RPS6KA1: variants seen among roughly 807,000 people sequenced by gnomAD.
RPS6KA1 encodes ribosomal protein S6 kinase A1.
RPS6KA1 carries 48 observed loss-of-function variants against 91.3 expected under a neutral mutation model. That is an observed-to-expected ratio of 0.53 (90% CI 0.42 to 0.67). The LOEUF is 0.67. Ranked by LOEUF, RPS6KA1 falls within the 30% of genes least tolerant of loss-of-function variation. The probability of loss-of-function intolerance (pLI) is 0.00; values close to 1 mark genes in which losing one functional copy is unlikely to be tolerated. For synonymous variants in RPS6KA1, 359 were observed against 384.7 expected (o/e 0.93, Z 0.78); for missense variants, 719 against 960.5 (o/e 0.75, Z 3.32).
chr1:26,557,093 A>G lies in RPS6KA1; in HGVS notation c.1077A>G (p.Thr359=). The G allele has an allele frequency of 1.2e-6, 2 of 1,610,456 alleles. No homozygotes were observed. The highest frequency in any genetic ancestry group is 1.7e-6 in the Non-Finnish European group (2 of 1,176,912). The change falls in exon 13 of 22, where the codon ACA becomes ACG. Residue 359 remains threonine (T), a synonymous_variant. Coordinates refer to ENST00000374168, the MANE Select transcript of RPS6KA1 (RefSeq NM_002953.4). ...TTGACACCGAGTTCACGTCCCGCACACCCAAGGGTGCGTCCCTTATCTGTT... is the reference window on the plus strand; with the variant it reads ...TTGACACCGAGTTCACGTCCCGCACGCCCAAGGGTGCGTCCCTTATCTGTT... ...FYFDTEFTSR[T]PKDSPGIPPS... is the part of the protein sequence containing the mutation.
rs1467555231 is a variant in RPS6KA1, at chr1:26,573,259, C to T, written c.1983C>T (p.His661=). Residue 661 remains histidine (H), a synonymous_variant, in exon 21 of 22, where the codon CAC becomes CAT. Transcript: ENST00000374168. ...LVSKMLHVDP[H]QRLTAKQVLQ... Reference sequence around the variant, plus strand: ...CCAAGATGCTACACGTGGATCCCCACCAGCGCCTCACAGCTAAGCAGGTTC... The same window carrying T: ...CCAAGATGCTACACGTGGATCCCCATCAGCGCCTCACAGCTAAGCAGGTTC... The T allele has an allele frequency of 6.2e-7, 1 of 1,614,076 alleles. No homozygotes were observed. Among genetic ancestry groups the T allele is most frequent in the Non-Finnish European group, 8.5e-7 (1 of 1,180,026 alleles).
At position 26,551,634 on chromosome 1, in the gene RPS6KA1, C is replaced by T; in HGVS notation, c.389-10C>T. The T allele has an allele frequency of 1.9e-6, 3 of 1,613,906 alleles. No homozygotes were observed. Among genetic ancestry groups the T allele is most frequent in the Non-Finnish European group, 2.5e-6 (3 of 1,179,748 alleles). ...GCCGACTCTACCATTGCCTTTCTCC[C>T]TCTTCCCAGCCTTCCAGACCGAGGG... On this transcript the variant is annotated splice_polypyrimidine_tract_variant and intron_variant, in intron 5 of 21. Transcript: ENST00000374168. This position sits in a 1 kb window ranked among gnomAD's most constrained non-coding sequence, Gnocchi z 4.5.
At chr1:26,559,746 T>C (rs924264709) in intron 14 of RPS6KA1, among the ~76,000 whole-genome samples, 3 of 152,256 alleles carry the variant, frequency 2.0e-5, no homozygotes, top group African/African-American at 7.2e-5. Flanking sequence ...GGGGAAATGA[T>C]AGAAGCTTCC....
chr1:26,558,927 C>T lies in RPS6KA1; in HGVS notation c.1205C>T (p.Ser402Leu), dbSNP rs765790037. The change falls in exon 14 of 22, where the codon TCG becomes TTG. Residue 402 changes from serine to leucine, a missense_variant. Transcript: ENST00000374168. This position sits in a 1 kb window ranked among gnomAD's most constrained non-coding sequence, Gnocchi z 4.0. ...CGTGCCCCGCAGGCACCCCTGCACT[C>T]GGTGGTACAGGTGAGGGGGGCAGGG... ...KPRAPQAPLH[S>L]VVQQLHGKNL... 1.6e-5 allele frequency: 26 copies of T among 1,612,412 alleles called. No homozygotes were observed. The East Asian group carries it at 3.6e-4, about 22-fold the overall frequency.
At chr1:26,566,279 CT>C (rs371340177) in intron 17 of RPS6KA1, among the ~76,000 whole-genome samples, 211 of 97,948 alleles carry the variant, frequency 2.2e-3, no homozygotes, top group Middle Eastern at 7.7e-3. Flanking sequence ...CTCATTGTAG[CT>C]TTTTTTTTTT....
At position 26,554,831 on chromosome 1, in the gene RPS6KA1, T is replaced by C; in HGVS notation, c.756+93T>C. ...TGAGGGGGTTGATCATTTCTAGGGC[T>C]CTCCCCGTCTCCTCTCACAGCCAAG... On this transcript the variant is annotated intron_variant, in intron 9 of 21. Coordinates refer to ENST00000374168, the MANE Select transcript of RPS6KA1 (RefSeq NM_002953.4). This position sits in a 1 kb window ranked among gnomAD's most constrained non-coding sequence, Gnocchi z 4.6. 1.4e-6 allele frequency: 2 copies of C among 1,449,784 alleles called. No homozygotes were observed. The highest frequency in any genetic ancestry group is 1.9e-6 in the Non-Finnish European group (2 of 1,073,748). 89.8% of individuals were successfully genotyped at this position (1,449,784 alleles called of 1,614,324 possible). A position where few individuals can be genotyped will look rare whatever the true frequency, so the allele number is the denominator to read the frequency against.
At chr1:26,549,792 C>T (rs534514044) in intron 4 of RPS6KA1, among the ~76,000 whole-genome samples, 15 of 150,320 alleles carry the variant, frequency 1.0e-4, no homozygotes, top group Admixed American at 2.7e-4. Flanking sequence ...ACCTCCGCTC[C>T]GCAGGTTCAG....
intron 14 of RPS6KA1, among the ~76,000 whole-genome samples, chr1:26,559,262 G>T (rs754743662): frequency 6.6e-6 from 1 of 152,172 alleles, no homozygotes; most frequent in Non-Finnish European, 1.5e-5. Context: ...TTCCCCATTT[G>T]TACACTTCTA....
In RPS6KA1 at chr1:26,555,669, C is replaced by T. The variant is rs375153165; in HGVS notation, c.916+44C>T. 1.1e-4 allele frequency: 164 copies of T among 1,531,330 alleles called. No homozygotes were observed. The highest frequency in any genetic ancestry group is 1.4e-4 in the Non-Finnish European group (157 of 1,126,018). 94.9% of individuals were successfully genotyped at this position (1,531,330 alleles called of 1,614,324 possible). A position where few individuals can be genotyped will look rare whatever the true frequency, so the allele number is the denominator to read the frequency against. ...GGGGAGGGGATGTGGCGATGGGGAG[C>T]CGGGTACAGCTGCAGCCTAGGCCAC... On this transcript the variant is annotated intron_variant, in intron 11 of 21. Coordinates refer to ENST00000374168, the MANE Select transcript of RPS6KA1 (RefSeq NM_002953.4). The surrounding 1 kb of genome is among the most constrained non-coding windows in gnomAD (Gnocchi z 4.3).
intron 4 of RPS6KA1, among the ~76,000 whole-genome samples, chr1:26,549,882 A>G (rs1441875263): frequency 8.2e-6 from 1 of 121,538 alleles, no homozygotes; most frequent in Non-Finnish European, 1.8e-5. Context: ...TTGTATATAT[A>G]TTTTTTTCTT....
At position 26,573,340 on chromosome 1, in the gene RPS6KA1, C is replaced by T. The variant is rs1177066870; in HGVS notation, c.2064C>T (p.His688=). 2 of 1,614,224 alleles carry T rather than the reference C, an allele frequency of 1.2e-6. No individual in the cohort carries two copies. Among genetic ancestry groups the T allele is most frequent in the Non-Finnish European group, 1.7e-6 (2 of 1,180,034 alleles). Residue 688 remains histidine (H), a synonymous_variant, in exon 21 of 22, where the codon CAC becomes CAT. Transcript: ENST00000374168. ...KDKLPQSQLS[H]QDLQLVKGAM... ...AGCTTCCCCAAAGCCAGCTGTCCCA[C>T]CAGGACCTACAGCTTGTGAAGGTAT...
At chr1:26,572,343 C>G in intron 20 of RPS6KA1, 50 bp downstream of exon 20, 7 of 1,277,164 alleles carry the variant, frequency 5.5e-6, no homozygotes, top group Non-Finnish European at 8.0e-6. Flanking sequence ...GAGGCAGGGT[C>G]CCATCCTAGG....
At position 26,554,737 on chromosome 1, in the gene RPS6KA1, T is replaced by TG; in HGVS notation, c.756+1dup. The stretch of plus-strand genomic sequence containing the variant: ...GACTGGTGGTCCTATGGGGTGTTGA[T>TG]GGTGAGTGCCCAGACAGGGGTAAAG... On this transcript the variant is annotated frameshift_variant and splice_region_variant, in exon 9 of 22. Coordinates refer to ENST00000374168, the MANE Select transcript of RPS6KA1 (RefSeq NM_002953.4). LOFTEE classifies it high-confidence loss of function. The surrounding 1 kb of genome is among the most constrained non-coding windows in gnomAD (Gnocchi z 4.6). 1 of 1,599,140 alleles carries TG rather than the reference T, an allele frequency of 6.3e-7. No homozygotes were observed. The highest frequency in any genetic ancestry group is 1.1e-5 in the South Asian group (1 of 90,486).
At chr1:26,570,734 C>T (rs780288738) in intron 17 of RPS6KA1, among the ~76,000 whole-genome samples, 28 of 152,270 alleles carry the variant, frequency 1.8e-4, no homozygotes, top group East Asian at 1.9e-4. Context: ...GCTTACATGC[C>T]GGTGGGCAGA....
intron 2 of RPS6KA1, chr1:26,545,922 C>A: frequency 6.3e-7 from 1 of 1,586,676 alleles, no homozygotes; most frequent in Non-Finnish European, 8.6e-7. Context: ...TCCCAAGCCG[C>A]CCCGTCTGCG....
intron 14 of RPS6KA1, among the ~76,000 whole-genome samples, chr1:26,559,492 G>A (rs1041419767): frequency 8.6e-5 from 13 of 151,268 alleles, no homozygotes; most frequent in African/African-American, 2.7e-4. Flanking sequence ...TCAGTCTCCC[G>A]AATAGCTGGG....
intron 19 of RPS6KA1, 82 bp downstream of exon 19, chr1:26,572,007 C>A: frequency 6.9e-7 from 1 of 1,451,382 alleles, no homozygotes; most frequent in Non-Finnish European, 9.6e-7. Flanking sequence ...ATAGGAATGG[C>A]TCAGCCAGCC....
chr1:26,562,825 C>CTTTTTTTTTTTTTTTTTTTTTTTT (rs748764001), intron 17 of RPS6KA1, among the ~76,000 whole-genome samples: 4 of 81,430 alleles, frequency 4.9e-5, no homozygotes, highest in African/African-American at 2.0e-4. Flanking sequence ...TCCTATTGTC[C>CTTTTTTTTTTTTTTTTTTTTTTTT]TTTTTTTTTT....
At chr1:26,534,368 C>T (rs1050570758) in intron 1 of RPS6KA1, among the ~76,000 whole-genome samples, 1 of 152,080 alleles carries the variant, frequency 6.6e-6, no homozygotes, top group Admixed American at 6.5e-5. Context: ...TAACCTGCAG[C>T]ATGCTTAGGT....
Sources: gnomAD v4.1 joint callset for allele counts (sites outside exome capture counted in the v4.1 genomes callset) on GRCh38, gnomAD v4.1.1 for gene constraint, Gnocchi (gnomAD v3.1) non-coding constraint, MANE v1.5 for transcripts, NCBI Gene and HGNC (gene_info 2026-07-23, HGNC 2026-07-21) for gene names.